Variants in ERC2 observed in about 807,000 individuals in gnomAD.
ERC2 encodes the protein ELKS/RAB6-interacting/CAST family member 2.
ERC2 carries 42 observed loss-of-function variants against 114.8 expected under a neutral mutation model. The observed-to-expected ratio is 0.37, with a 90% CI of 0.29 to 0.47. The LOEUF (loss-of-function observed/expected upper bound fraction) is 0.47, where lower values mean the gene tolerates loss of function less well. ERC2 is among the 20% of genes least tolerant of loss of function. The pLI is 0.99. For synonymous variants in ERC2, 454 were observed against 425.5 expected, an observed-to-expected ratio of 1.07 and a Z score of -0.82; for missense variants, 939 against 1,150.7, an observed-to-expected ratio of 0.82 and a Z score of 2.66.
chr3:56,445,700 A>ACT (rs1236392424), intron 1 of ERC2, among the ~76,000 whole-genome samples: 1 of 151,818 alleles, frequency 6.6e-6, no homozygotes, highest in East Asian at 1.9e-4. Flanking sequence ...TCCTTCAAAG[A>ACT]CTCTGACAGG....
At chr3:56,318,826 C>G (rs780976163) in intron 2 of ERC2, among the ~76,000 whole-genome samples, 2 of 151,174 alleles carry the variant, frequency 1.3e-5, no homozygotes, top group East Asian at 1.9e-4. Flanking sequence ...GTGGTTCGTG[C>G]CTATATCATG....
chr3:56,158,119 C>T (rs1179841375), intron 4 of ERC2, among the ~76,000 whole-genome samples: 1 of 152,158 alleles, frequency 6.6e-6, no homozygotes. Flanking sequence ...AGGAGGGCCC[C>T]CTGAGAGTCC....
At chr3:56,166,826 C>CT (rs1468251733) in intron 4 of ERC2, among the ~76,000 whole-genome samples, 4 of 151,996 alleles carry the variant, frequency 2.6e-5, no homozygotes. Flanking sequence ...TTGTGAATCT[C>CT]TTCAAAAAAA....
intron 7 of ERC2, among the ~76,000 whole-genome samples, chr3:56,034,055 A>G (rs1560060880): frequency 2.0e-5 from 3 of 152,370 alleles, no homozygotes; most frequent in Admixed American, 6.5e-5. Flanking sequence ...TTTAAAAACA[A>G]GATTCAACTA....
intron 15 of ERC2, among the ~76,000 whole-genome samples, chr3:55,733,462 T>A (rs1480263003): frequency 9.8e-5 from 10 of 101,540 alleles, no homozygotes; most frequent in African/African-American, 6.7e-5. Context: ...TCTCTCTCTC[T>A]CTCACACACA....
intron 3 of ERC2, among the ~76,000 whole-genome samples, chr3:56,259,647 T>TTGATATGATATGATA (rs58550092): frequency 5.0e-4 from 72 of 144,096 alleles, no homozygotes; most frequent in African/African-American, 1.2e-3. Flanking sequence ...TGGTACAGAT[T>TTGATATGATATGATA]TGATATGATA....
intron 2 of ERC2, among the ~76,000 whole-genome samples, chr3:56,362,801 T>G (rs2059008375): frequency 6.6e-6 from 1 of 152,222 alleles, no homozygotes; most frequent in South Asian, 2.1e-4. Context: ...GAGAGGGACC[T>G]TGTTCTGGAA....
chr3:56,317,683 A>C (rs964102561), intron 2 of ERC2, among the ~76,000 whole-genome samples: 15 of 152,246 alleles, frequency 9.9e-5, no homozygotes, highest in African/African-American at 3.4e-4. Context: ...CACTGGGGAT[A>C]TAACAATGAG....
intron 13 of ERC2, among the ~76,000 whole-genome samples, chr3:55,938,956 A>C (rs2066616470): frequency 6.6e-6 from 1 of 152,232 alleles, no homozygotes; most frequent in Non-Finnish European, 1.5e-5. Flanking sequence ...TTTTAAAAAA[A>C]ATTTATCAGA....
At chr3:55,997,050 G>A (rs567904437) in intron 10 of ERC2, among the ~76,000 whole-genome samples, 4 of 152,240 alleles carry the variant, frequency 2.6e-5, no homozygotes, top group Admixed American at 2.0e-4. Flanking sequence ...ATTAACTTTG[G>A]TCCAGAAACC....
At chr3:56,298,947 A>T (rs1210341449) in intron 2 of ERC2, among the ~76,000 whole-genome samples, 1 of 152,170 alleles carries the variant, frequency 6.6e-6, no homozygotes, top group Non-Finnish European at 1.5e-5. Flanking sequence ...TCCTTAAACC[A>T]CATTAGAACA....
intron 17 of ERC2, among the ~76,000 whole-genome samples, chr3:55,545,817 T>C (rs377063816): frequency 6.6e-6 from 1 of 152,050 alleles, no homozygotes; most frequent in African/African-American, 2.4e-5. Flanking sequence ...AGTTCTTGGG[T>C]GTGGTTCAGA....
At chr3:56,014,361 T>C (rs949641642) in intron 8 of ERC2, among the ~76,000 whole-genome samples, 3 of 152,146 alleles carry the variant, frequency 2.0e-5, no homozygotes, top group Non-Finnish European at 4.4e-5. Flanking sequence ...TGTTGTCCAA[T>C]TCAGATGCCA....
chr3:56,126,918 G>A (rs2079910637), intron 6 of ERC2, among the ~76,000 whole-genome samples: 2 of 151,868 alleles, frequency 1.3e-5, no homozygotes, highest in Admixed American at 1.3e-4. Flanking sequence ...GGGCAGGGAA[G>A]AGAAGCCCAA....
intron 3 of ERC2, among the ~76,000 whole-genome samples, chr3:56,253,122 T>C (rs951754593): frequency 6.6e-6 from 1 of 152,186 alleles, no homozygotes; most frequent in South Asian, 2.1e-4. Flanking sequence ...TGCTGTACCT[T>C]ACCAGCTGGT....
chr3:55,768,098 C>A (rs2067943508), intron 14 of ERC2, among the ~76,000 whole-genome samples: 1 of 152,228 alleles, frequency 6.6e-6, no homozygotes, highest in Admixed American at 6.5e-5. Context: ...TTCCCCTTCA[C>A]CTTCTACTAT....
At chr3:56,323,765 G>A (rs1349580558) in intron 2 of ERC2, among the ~76,000 whole-genome samples, 1 of 152,170 alleles carries the variant, frequency 6.6e-6, no homozygotes, top group Non-Finnish European at 1.5e-5. Context: ...CTCAACTGCA[G>A]CAAGAGTCAC....
chr3:55,673,250 G>C (rs149848718), intron 17 of ERC2, among the ~76,000 whole-genome samples: 2 of 152,292 alleles, frequency 1.3e-5, no homozygotes, highest in African/African-American at 4.8e-5. Context: ...AAGAAAACAG[G>C]CTTGCCATGA....
chr3:55,705,239 G>A (rs2063421535), intron 15 of ERC2, among the ~76,000 whole-genome samples: 1 of 152,140 alleles, frequency 6.6e-6, no homozygotes, highest in Admixed American at 6.5e-5. Context: ...AGGCTCCATG[G>A]GTCAAACGCC....
Sources: gnomAD v4.1 joint callset for allele counts (sites outside exome capture counted in the v4.1 genomes callset) on GRCh38, gnomAD v4.1.1 for gene constraint, MANE v1.5 for transcripts, NCBI Gene and HGNC (gene_info 2026-07-23, HGNC 2026-07-21) for gene names.